Variants in ZNF385D observed in about 807,000 individuals in gnomAD.
ZNF385D encodes zinc finger protein 385D.
ZNF385D carries 15 observed loss-of-function variants against 35.8 expected under a neutral mutation model. The observed-to-expected ratio is 0.42, with a 90% CI of 0.28 to 0.64. The LOEUF (loss-of-function observed/expected upper bound fraction) is 0.64. ZNF385D is among the 30% of genes least tolerant of loss of function. ZNF385D has a pLI of 0.23. For synonymous variants in ZNF385D, 212 were observed against 186.8 expected, an observed-to-expected ratio of 1.13 and a Z score of -1.10; for missense variants, 474 against 494.6, an observed-to-expected ratio of 0.96 and a Z score of 0.39.
intron 3 of ZNF385D, among the ~76,000 whole-genome samples, chr3:21,519,049 C>T (rs534249612): frequency 2.0e-5 from 3 of 152,040 alleles, no homozygotes; most frequent in East Asian, 1.9e-4. Context: ...GTGATTGATG[C>T]TTTACTTTAA....
intron 2 of ZNF385D, among the ~76,000 whole-genome samples, chr3:22,233,599 C>T (rs191517068): frequency 6.6e-6 from 1 of 152,090 alleles, no homozygotes; most frequent in Non-Finnish European, 1.5e-5. Context: ...AAAGTGCCCA[C>T]TCTTCTTATC....
In ZNF385D at chr3:22,108,116, TAC is replaced by T. The variant is rs1225306578; in HGVS notation, c.325+60699_325+60700del. On this transcript the variant is annotated intron_variant, in intron 3 of 5. Transcript: ENST00000494108. Reference sequence around the variant, plus strand: ...AAATAAATGTCTATTCTTTACAAATTACACAGTGTCAGGCATTCTGTTACAGC... The same window carrying T: ...AAATAAATGTCTATTCTTTACAAATTACAGTGTCAGGCATTCTGTTACAGC... Among the ~76,000 whole-genome samples, 9 of 152,078 alleles carry T rather than the reference TAC, an allele frequency of 5.9e-5. No homozygotes were observed. In the East Asian group the frequency reaches 7.7e-4, roughly 13 times the overall value.
chr3:21,917,432 C>CAA (rs11404892), intron 3 of ZNF385D, among the ~76,000 whole-genome samples: 3 of 151,626 alleles, frequency 2.0e-5, no homozygotes, highest in Non-Finnish European at 2.9e-5. Flanking sequence ...ACTCCGTCTC[C>CAA]AAAAAAACAC....
chr3:21,895,240 C>T (rs1285738441), intron 3 of ZNF385D, among the ~76,000 whole-genome samples: 2 of 148,928 alleles, frequency 1.3e-5, no homozygotes, highest in Non-Finnish European at 3.0e-5. Context: ...AGATAGGAGT[C>T]AGAACATGGC....
At chr3:21,702,684 G>A (rs2067735673) in intron 1 of ZNF385D, among the ~76,000 whole-genome samples, 9 of 152,188 alleles carry the variant, frequency 5.9e-5, no homozygotes, top group Admixed American at 5.9e-4. Flanking sequence ...CAGCACCCAA[G>A]TCACTCTTGA....
At chr3:22,022,365 C>T (rs1018673933) in intron 3 of ZNF385D, among the ~76,000 whole-genome samples, 1 of 152,046 alleles carries the variant, frequency 6.6e-6, no homozygotes, top group African/African-American at 2.4e-5. Flanking sequence ...TTAATTTCAA[C>T]ATGATTTTGA....
chr3:22,247,894 C>T (rs546924948), intron 2 of ZNF385D, among the ~76,000 whole-genome samples: 5 of 152,062 alleles, frequency 3.3e-5, no homozygotes, highest in Admixed American at 2.0e-4. Flanking sequence ...TGAGCCACCA[C>T]GCCCGGCCTA....
intron 2 of ZNF385D, among the ~76,000 whole-genome samples, chr3:22,196,730 G>A (rs564891387): frequency 5.9e-5 from 9 of 151,960 alleles, no homozygotes; most frequent in African/African-American, 2.2e-4. Flanking sequence ...TTCTACATTT[G>A]TTTAAACCCC....
At chr3:21,999,684 T>C (rs1695712529) in intron 3 of ZNF385D, among the ~76,000 whole-genome samples, 1 of 151,496 alleles carries the variant, frequency 6.6e-6, no homozygotes, top group South Asian at 2.1e-4. Flanking sequence ...CTTATAGCAG[T>C]CCAACAGATA....
chr3:21,984,905 G>A (rs1222604487), intron 3 of ZNF385D, among the ~76,000 whole-genome samples: 2 of 141,700 alleles, frequency 1.4e-5, no homozygotes, highest in Middle Eastern at 3.2e-3. Context: ...TGGATTCCTA[G>A]GTATTTTATT....
At chr3:22,017,249 G>C (rs1247058739) in intron 3 of ZNF385D, among the ~76,000 whole-genome samples, 1 of 151,982 alleles carries the variant, frequency 6.6e-6, no homozygotes, top group East Asian at 1.9e-4. Flanking sequence ...GTGTACATCT[G>C]GTTAACATCA....
At chr3:22,121,021 A>C (rs973280349) in intron 3 of ZNF385D, among the ~76,000 whole-genome samples, 1 of 152,210 alleles carries the variant, frequency 6.6e-6, no homozygotes, top group African/African-American at 2.4e-5. Context: ...ATAGAAATGC[A>C]AAGTTGCTTT....
chr3:21,442,570 A>C (rs908136879), intron 4 of ZNF385D, among the ~76,000 whole-genome samples: 11 of 151,860 alleles, frequency 7.2e-5, no homozygotes, highest in African/African-American at 2.7e-4. Context: ...CTTTTATCTC[A>C]TTTAACTAAA....
chr3:22,181,697 CAAA>C (rs71620745), intron 2 of ZNF385D, among the ~76,000 whole-genome samples: 6 of 83,702 alleles, frequency 7.2e-5, no homozygotes, highest in Non-Finnish European at 7.2e-5. Context: ...GACTCCGTCT[CAAA>C]AAAAAAAAAA....
intron 3 of ZNF385D, among the ~76,000 whole-genome samples, chr3:21,912,193 A>T (rs1161586370): frequency 6.6e-6 from 1 of 151,922 alleles, no homozygotes; most frequent in Non-Finnish European, 1.5e-5. Flanking sequence ...TTCTTACAAG[A>T]CTTGTCTTAA....
intron 2 of ZNF385D, among the ~76,000 whole-genome samples, chr3:21,662,846 G>T (rs571564257): frequency 2.6e-4 from 39 of 152,246 alleles, no homozygotes; most frequent in African/African-American, 8.7e-4. Context: ...GAATCAGAAG[G>T]GTTTACAAGC....
chr3:22,218,431 G>A (rs900855700), intron 2 of ZNF385D, among the ~76,000 whole-genome samples: 4 of 151,614 alleles, frequency 2.6e-5, no homozygotes, highest in African/African-American at 9.7e-5. Context: ...TTTATTTGAA[G>A]ACCCCTTGAA....
Position 21,564,679 on chromosome 3 carries a change from G to A in ZNF385D, c.171C>T (p.Asp57=). 1 of 1,550,636 alleles carries A rather than the reference G, an allele frequency of 6.4e-7. No individual in the cohort carries two copies. Among genetic ancestry groups the A allele is most frequent in the South Asian group, 1.2e-5 (1 of 80,172 alleles). The stretch of plus-strand genomic sequence containing the variant: ...GGTTTATTACAGCTTTCTGAATCGG[G>A]TCCATCTGTAATGAGAAAAAAGAAA... ...VNLFPNFNAM[D]PIQKAVINHT... The change falls in exon 3 of 8, where the codon GAC becomes GAT. Residue 57 remains aspartate, a synonymous_variant. Transcript: ENST00000281523.
At chr3:22,274,836 C>G (rs1184192750) in intron 2 of ZNF385D, among the ~76,000 whole-genome samples, 10 of 145,238 alleles carry the variant, frequency 6.9e-5, no homozygotes, top group Non-Finnish European at 1.4e-4. Context: ...ATATTGAAGT[C>G]TTTAAAAATA....
Sources: allele counts gnomAD v4.1 joint callset (sites outside exome capture counted in the v4.1 genomes callset), GRCh38; gene constraint gnomAD v4.1.1; transcripts MANE v1.5; gene names NCBI Gene and HGNC (gene_info 2026-07-23, HGNC 2026-07-21).